Variants in ZFAT observed in about 807,000 individuals in gnomAD.
ZFAT encodes zinc finger and AT-hook domain containing.
ZFAT carries 64 observed loss-of-function variants against 117.7 expected under a neutral mutation model. The ratio of observed to expected loss-of-function variants is 0.54; its 90% CI spans 0.44 to 0.67. The LOEUF (loss-of-function observed/expected upper bound fraction) is 0.67, where lower values mean the gene tolerates loss of function less well. Ranked by LOEUF, ZFAT falls within the 30% of genes least tolerant of loss-of-function variation. The pLI is 0.00. For synonymous variants in ZFAT, 679 were observed against 615.0 expected, an observed-to-expected ratio of 1.10 and a Z score of -1.54; for missense variants, 1,433 against 1,584.5, an observed-to-expected ratio of 0.90 and a Z score of 1.62.
the ZFAT span, chr8:134,792,534 A>G: frequency 6.6e-6 from 1 of 152,238 alleles, no homozygotes; most frequent in Non-Finnish European, 1.5e-5. Context: ...TAAAATTTCT[A>G]GCAGTAAACA....
intron 9 of ZFAT, among the ~76,000 whole-genome samples, chr8:134,584,439 A>G (rs571368132): frequency 6.6e-6 from 1 of 152,360 alleles, no homozygotes; most frequent in South Asian, 2.1e-4. Context: ...CAGAGCAGAC[A>G]GTCACTAAAT....
At chr8:134,820,320 T>C in the ZFAT span, among the ~76,000 whole-genome samples, 1 of 152,188 alleles carries the variant, frequency 6.6e-6, no homozygotes, top group Non-Finnish European at 1.5e-5. Flanking sequence ...AAGATCCTTA[T>C]GTAATATTAC....
At chr8:134,516,522 CTGTTT>C (rs1289525300) in intron 13 of ZFAT, among the ~76,000 whole-genome samples, 1 of 152,022 alleles carries the variant, frequency 6.6e-6, no homozygotes, top group Non-Finnish European at 1.5e-5. Flanking sequence ...TTGTTTTGTT[CTGTTT>C]TGTTTTGTTT....
intron 2 of ZFAT, 99 bp downstream of exon 2, chr8:134,657,462 G>T: frequency 1.6e-6 from 2 of 1,244,742 alleles, no homozygotes; most frequent in Non-Finnish European, 2.2e-6. Flanking sequence ...CTTCTGATTT[G>T]GAAATGTGGA....
chr8:134,758,058 G>A, the ZFAT span, among the ~76,000 whole-genome samples: 14 of 152,246 alleles, frequency 9.2e-5, no homozygotes, highest in Admixed American at 2.6e-4. Flanking sequence ...GAGATTCCAC[G>A]AACTCAAATG....
At chr8:134,717,867 G>C (rs780228379), upstream of ZFAT, among the ~76,000 whole-genome samples, 1 of 151,948 alleles carries the variant, frequency 6.6e-6, no homozygotes, top group Non-Finnish European at 1.5e-5. Context: ...GCCAATTTTT[G>C]TATTTTTAGT....
At chr8:134,802,321 A>AATG in the ZFAT span, among the ~76,000 whole-genome samples, 1 of 152,232 alleles carries the variant, frequency 6.6e-6, no homozygotes, top group African/African-American at 2.4e-5. Context: ...CACACACAGC[A>AATG]AATAATGCAC....
chr8:134,550,691 C>CT (rs1416874484), intron 11 of ZFAT, among the ~76,000 whole-genome samples: 4 of 151,934 alleles, frequency 2.6e-5, no homozygotes, highest in South Asian at 2.1e-4. Context: ...ATCCAATTTC[C>CT]TTTTTTTTCC....
chr8:134,506,970 A>G (rs1819463720), intron 15 of ZFAT, among the ~76,000 whole-genome samples: 1 of 152,230 alleles, frequency 6.6e-6, no homozygotes, highest in South Asian at 2.1e-4. Flanking sequence ...CAATTGAAGA[A>G]TCAAAACCTC....
At chr8:134,490,668 G>A (rs1054709208) in intron 15 of ZFAT, among the ~76,000 whole-genome samples, 6 of 152,210 alleles carry the variant, frequency 3.9e-5, no homozygotes, top group Non-Finnish European at 5.9e-5. Context: ...CTGAAGTTAT[G>A]CAAATAGCTG....
intron 1 of ZFAT, 122 bp downstream of exon 1, chr8:134,712,723 C>T: frequency 1.4e-6 from 1 of 728,916 alleles, no homozygotes; most frequent in Non-Finnish European, 1.9e-6. Flanking sequence ...CCCTCCGCGG[C>T]CGGCGGCCGG....
chr8:134,616,454 C>T (rs889801227), intron 3 of ZFAT, among the ~76,000 whole-genome samples: 3 of 152,158 alleles, frequency 2.0e-5, no homozygotes, highest in African/African-American at 7.2e-5. Flanking sequence ...CCTGAAATGC[C>T]TCGAGGACCC....
At chr8:134,804,841 C>T in the ZFAT span, 1 of 531,372 alleles carries the variant, frequency 1.9e-6, no homozygotes, top group Admixed American at 2.0e-5. Flanking sequence ...CACTCCGGGA[C>T]AGAATTATAT....
rs1824061178 is a variant in ZFAT at position 134,561,671 on chromosome 8, T to G, written c.2976+3662A>C. Reference sequence around the variant, plus strand: ...ATATATTGTAAATTGTACATCTACATCTAGAAAAGCAAATTGATTTCATCT... The same window carrying G: ...ATATATTGTAAATTGTACATCTACAGCTAGAAAAGCAAATTGATTTCATCT... On this transcript the variant is annotated intron_variant, in intron 11 of 15. Transcript: ENST00000377838. Among the ~76,000 whole-genome samples, 4 of 152,320 alleles carry G rather than the reference T, an allele frequency of 2.6e-5. No individual in the cohort carries two copies. In the South Asian group the frequency reaches 8.3e-4, roughly 32 times the overall value.
chr8:134,600,233 A>G (rs1827299494), intron 7 of ZFAT: 2 of 613,354 alleles, frequency 3.3e-6, no homozygotes. Context: ...TATTCCATCT[A>G]ATCTCTTTTT....
intron 12 of ZFAT, among the ~76,000 whole-genome samples, chr8:134,531,134 A>C (rs986973315): frequency 3.3e-5 from 5 of 152,374 alleles, no homozygotes; most frequent in Non-Finnish European, 7.3e-5. Context: ...AGTCTTAGGA[A>C]GTTAACTGGA....
rs1819916885 is a variant in ZFAT at position 134,512,376 on chromosome 8, T to G, written c.3361+99A>C. 2.0e-6 allele frequency: 3 copies of G among 1,511,584 alleles called. No individual in the cohort carries two copies. In the South Asian group the frequency reaches 3.8e-5, roughly 19 times the overall value. The allele number at this position is 1,511,584 out of a possible 1,614,324, so 93.6% of individuals were successfully genotyped here. A position where few individuals can be genotyped will look rare whatever the true frequency, so the allele number is the denominator to read the frequency against. On this transcript the variant is annotated intron_variant, in intron 14 of 15. Transcript: ENST00000377838. The stretch of plus-strand genomic sequence containing the variant: ...GAACGCTGGGTCAGGGATTCGGAAG[T>G]AGATCACCTGATGGACATCATTCAT...
the ZFAT span, chr8:134,765,055 G>A: frequency 3.3e-5 from 5 of 152,188 alleles, no homozygotes; most frequent in Non-Finnish European, 7.3e-5. Context: ...CCAGGAGCTG[G>A]AGATGGAAAG....
chr8:134,620,747 C>T (rs961551847), intron 3 of ZFAT, among the ~76,000 whole-genome samples: 10 of 152,202 alleles, frequency 6.6e-5, no homozygotes, highest in Admixed American at 3.9e-4. Flanking sequence ...GGATAATTTA[C>T]TAACACTTGT....
Sources: gnomAD v4.1 joint callset for allele counts (sites outside exome capture counted in the v4.1 genomes callset) on GRCh38, gnomAD v4.1.1 for gene constraint, MANE v1.5 for transcripts, NCBI Gene and HGNC (gene_info 2026-07-23, HGNC 2026-07-21) for gene names.